The following CYS1 variants were observed in gnomAD, a reference collection of about 807,000 sequenced individuals.
CYS1 encodes cystin 1.
A neutral mutation model predicts 9.6 loss-of-function variants in CYS1; 5 were observed. That is an observed-to-expected ratio of 0.52 (90% CI 0.27 to 1.10). CYS1 has a LOEUF of 1.10. CYS1 is among the 50% of genes least tolerant of loss of function. The pLI is 0.11. For missense variants in CYS1, 221 were observed against 207.9 expected (o/e 1.06, Z -0.39); for synonymous variants, 88 against 95.7 (o/e 0.92, Z 0.47).
At chr2:10,061,564 T>A (rs182092689) in intron 2 of CYS1, among the ~76,000 whole-genome samples, 21 of 152,326 alleles carry the variant, frequency 1.4e-4, no homozygotes, top group Non-Finnish European at 2.6e-4. Flanking sequence ...GAGGTGGCTG[T>A]CCAGATTCAC....
chr2:10,072,789 T>C (rs1661788022), intron 1 of CYS1, among the ~76,000 whole-genome samples: 1 of 152,200 alleles, frequency 6.6e-6, no homozygotes, highest in East Asian at 1.9e-4. Flanking sequence ...GAGGCCAAGA[T>C]CCCAGTGCCC....
chr2:10,067,553 T>A (rs1661714879), intron 1 of CYS1, among the ~76,000 whole-genome samples: 1 of 151,728 alleles, frequency 6.6e-6, no homozygotes, highest in East Asian at 1.9e-4. Flanking sequence ...GACTACAGGC[T>A]CGTGCCACCA....
At chr2:10,060,308 G>A (rs1214393976) in intron 2 of CYS1, among the ~76,000 whole-genome samples, 5 of 152,238 alleles carry the variant, frequency 3.3e-5, no homozygotes, top group African/African-American at 9.6e-5. Context: ...CCCCCTCTGC[G>A]AGCTTGGGGG....
Position 10,056,595 on chromosome 2 carries a change from GT to G in CYS1, c.*2257del, listed in dbSNP as rs1388288558. On this transcript the variant is annotated 3_prime_UTR_variant, in exon 3 of 3. Transcript: ENST00000381813. ...TGGCAGTGAGCAAATCCCACACGCA[GT>G]TCTAGCAGGACGCTGAGGCTCAGCT... is the stretch of plus-strand genomic sequence containing the variant. 2.0e-5 allele frequency among the ~76,000 whole-genome samples: 3 copies of G among 152,262 alleles called. No individual in the cohort carries two copies. Among genetic ancestry groups the G allele is most frequent in the African/African-American group, 7.2e-5 (3 of 41,472 alleles).
chr2:10,067,406 C>CTTTT (rs34525296), intron 1 of CYS1, among the ~76,000 whole-genome samples: 3 of 118,114 alleles, frequency 2.5e-5, no homozygotes, highest in Non-Finnish European at 5.1e-5. Context: ...AAATTCTTTT[C>CTTTT]TTTTTTTTTT....
In CYS1 at chr2:10,058,717, T is replaced by C; in HGVS notation, c.*136A>G. ...GGTCAGCGCGGTCTGAAAGTGGATT[T>C]GAAAGGGCAGCTTTGAATATCCGGG... On this transcript the variant is annotated 3_prime_UTR_variant, in exon 3 of 3. Coordinates refer to ENST00000381813, the MANE Select transcript of CYS1 (RefSeq NM_001037160.3). 2 of 747,180 alleles carry C rather than the reference T, an allele frequency of 2.7e-6. No individual in the cohort carries two copies. Among genetic ancestry groups the C allele is most frequent in the South Asian group, 4.2e-5 (2 of 47,914 alleles). 46.3% of individuals were successfully genotyped at this position (747,180 alleles called of 1,614,324 possible).
At chr2:10,069,052 G>T (rs986946925) in intron 1 of CYS1, among the ~76,000 whole-genome samples, 3 of 151,520 alleles carry the variant, frequency 2.0e-5, no homozygotes, top group Admixed American at 6.6e-5. Context: ...ACAGAGCGAG[G>T]CTCTGTCTCA....
At chr2:10,061,363 CCT>C (rs1661624106) in intron 2 of CYS1, among the ~76,000 whole-genome samples, 1 of 152,226 alleles carries the variant, frequency 6.6e-6, no homozygotes, top group South Asian at 2.1e-4. Context: ...GCTCACCTCC[CCT>C]GAGGATTGTT....
At chr2:10,072,087 C>CTTTTTTTTTTTTTTTT (rs796306088) in intron 1 of CYS1, among the ~76,000 whole-genome samples, 1 of 146,414 alleles carries the variant, frequency 6.8e-6, no homozygotes, top group Non-Finnish European at 1.5e-5. Context: ...TCAAAGGTTA[C>CTTTTTTTTTTTTTTTT]TTTTTTTTTT....
At chr2:10,069,924 G>T (rs1160425067) in intron 1 of CYS1, among the ~76,000 whole-genome samples, 1 of 152,200 alleles carries the variant, frequency 6.6e-6, no homozygotes, top group Non-Finnish European at 1.5e-5. Flanking sequence ...AAAGGGAGGT[G>T]GGTTGTGTTC....
At chr2:10,072,906 G>A (rs1203831515) in intron 1 of CYS1, among the ~76,000 whole-genome samples, 3 of 151,802 alleles carry the variant, frequency 2.0e-5, no homozygotes, top group Non-Finnish European at 2.9e-5. Context: ...AGAGTGGTGC[G>A]GGTGGGCTCT....
chr2:10,066,493 A>G (rs2125289030), intron 1 of CYS1, among the ~76,000 whole-genome samples: 1 of 152,354 alleles, frequency 6.6e-6, no homozygotes, highest in East Asian at 1.9e-4. Context: ...CTTTCTCTTC[A>G]TAAGGCCAGG....
chr2:10,080,127 CG>C lies in CYS1; in HGVS notation c.96del (p.Thr34ProfsTer115), dbSNP rs1269435786. On this transcript the variant is annotated frameshift_variant, in exon 1 of 3. Coordinates refer to ENST00000381813, the MANE Select transcript of CYS1 (RefSeq NM_001037160.3). LOFTEE classifies it high-confidence loss of function. This position sits in a 1 kb window ranked among gnomAD's most constrained non-coding sequence, Gnocchi z 6.4. ...PAGPGAAALE[G>X]GTRRRVPVAA... Reference sequence around the variant, plus strand: ...GCCACCGGCACCCGCCGGCGGGTCCCGCCCTCCAGGGCTGCCGCTCCGGGCC... The same window carrying C: ...GCCACCGGCACCCGCCGGCGGGTCCCCCCTCCAGGGCTGCCGCTCCGGGCC... 1 of 1,033,134 alleles carries C rather than the reference CG, an allele frequency of 9.7e-7. No homozygotes were observed. The highest frequency in any genetic ancestry group is 4.1e-5 in the South Asian group (1 of 24,146). The allele number at this position is 1,033,134 out of a possible 1,614,324, so 64.0% of individuals were successfully genotyped here. A position where few individuals can be genotyped will look rare whatever the true frequency, so the allele number is the denominator to read the frequency against.
In CYS1 at chr2:10,063,203, G is replaced by A. The variant is rs1367258806; in HGVS notation, c.371+2701C>T. Among the ~76,000 whole-genome samples, 1 of 152,220 alleles carries A rather than the reference G, an allele frequency of 6.6e-6. No homozygotes were observed. Among genetic ancestry groups the A allele is most frequent in the Non-Finnish European group, 1.5e-5 (1 of 68,046 alleles). ...TGCCTGGAGCTATGAGGGCCCAGAG[G>A]CGAATCTGATTCCTTCTGTGATGAG... On this transcript the variant is annotated intron_variant, in intron 2 of 2. Transcript: ENST00000381813. The surrounding 1 kb of genome is among the most constrained non-coding windows in gnomAD (Gnocchi z 4.2).
chr2:10,064,197 TG>T (rs1001324542), intron 2 of CYS1, among the ~76,000 whole-genome samples: 1 of 152,058 alleles, frequency 6.6e-6, no homozygotes, highest in African/African-American at 2.4e-5. Context: ...CACTCCAGCC[TG>T]GATGACAAGA....
At chr2:10,072,659 A>G (rs1661784690) in intron 1 of CYS1, among the ~76,000 whole-genome samples, 3 of 152,184 alleles carry the variant, frequency 2.0e-5, no homozygotes, top group Admixed American at 6.5e-5. Context: ...TCTTAAGGAA[A>G]CTTGAACATG....
Position 10,058,612 on chromosome 2 carries a change from G to C in CYS1, c.*241C>G, listed in dbSNP as rs1031932892. ...CTCCCCGCGTTGGGGAGGAGGCGCC[G>C]GCGGCCCAGGCCCACGCACCTGTGG... is the stretch of plus-strand genomic sequence containing the variant. On this transcript the variant is annotated 3_prime_UTR_variant, in exon 3 of 3. Transcript: ENST00000381813. 2.5e-6 allele frequency: 1 copy of C among 407,034 alleles called. No individual in the cohort carries two copies. The highest frequency in any genetic ancestry group is 4.4e-6 in the Non-Finnish European group (1 of 225,900). 25.2% of individuals were successfully genotyped at this position (407,034 alleles called of 1,614,324 possible). A position where few individuals can be genotyped will look rare whatever the true frequency, so the allele number is the denominator to read the frequency against.
At position 10,079,994 on chromosome 2, in the gene CYS1, A is replaced by C; in HGVS notation, c.230T>G (p.Leu77Arg). 1.8e-6 allele frequency: 2 copies of C among 1,091,622 alleles called. No homozygotes were observed. Among genetic ancestry groups the C allele is most frequent in the South Asian group, 4.3e-5 (1 of 23,116 alleles). The allele number at this position is 1,091,622 out of a possible 1,614,324, so 67.6% of individuals were successfully genotyped here. Residue 77 changes from leucine to arginine, a missense_variant, in exon 1 of 3, where the codon CTG becomes CGG. Coordinates refer to ENST00000381813, the MANE Select transcript of CYS1 (RefSeq NM_001037160.3). ...GCCCCAGGCCGCCGACTCGGCCAGCAGCTCGTCCAGCAGGCGCAGCGTCTC... is the reference window on the plus strand; with the variant it reads ...GCCCCAGGCCGCCGACTCGGCCAGCCGCTCGTCCAGCAGGCGCAGCGTCTC... ...RDETLRLLDE[L>R]LAESAAWGPP... is the part of the protein sequence containing the mutation.
chr2:10,071,262 C>G (rs1374364984), intron 1 of CYS1, among the ~76,000 whole-genome samples: 2 of 152,218 alleles, frequency 1.3e-5, no homozygotes, highest in East Asian at 3.9e-4. Flanking sequence ...CCACCGTGCC[C>G]GGCTCTGAGA....
Sources: gnomAD v4.1 joint callset for allele counts (sites outside exome capture counted in the v4.1 genomes callset) on GRCh38, gnomAD v4.1.1 for gene constraint, Gnocchi (gnomAD v3.1) non-coding constraint, MANE v1.5 for transcripts, NCBI Gene and HGNC (gene_info 2026-07-23, HGNC 2026-07-21) for gene names.